Variants in USP45 observed in about 807,000 individuals in gnomAD.
USP45 encodes the protein ubiquitin carboxyl-terminal hydrolase 45.
Under a neutral mutation model 95.8 loss-of-function variants are expected in USP45, and 89 were observed. The ratio of observed to expected loss-of-function variants is 0.93; its 90% CI spans 0.78 to 1.11. USP45 has a LOEUF of 1.11. USP45 is among the 50% of genes least tolerant of loss of function. USP45 has a pLI of 0.00. For synonymous variants in USP45, 281 were observed against 316.2 expected (o/e 0.89, Z 1.18); for missense variants, 898 against 942.5 (o/e 0.95, Z 0.62).
chr6:99,514,986 A>C (rs1320402635), intron 1 of USP45: 1 of 152,206 alleles, frequency 6.6e-6, no homozygotes, highest in African/African-American at 2.4e-5. Flanking sequence ...CCGGCCCCGG[A>C]GCTCCTAATA....
intron 13 of USP45, among the ~76,000 whole-genome samples, chr6:99,454,987 G>A (rs1465574997): frequency 6.6e-6 from 1 of 151,678 alleles, no homozygotes; most frequent in Non-Finnish European, 1.5e-5. Flanking sequence ...CTACTCGGGA[G>A]GCTGAGGCAG....
chr6:99,455,958 C>T (rs1239597515), intron 13 of USP45, among the ~76,000 whole-genome samples: 2 of 149,816 alleles, frequency 1.3e-5, no homozygotes, highest in Non-Finnish European at 3.0e-5. Context: ...CAAGGTGAAA[C>T]CCTGTCTCTA....
chr6:99,513,364 T>G (rs1375668848), intron 1 of USP45, among the ~76,000 whole-genome samples: 1 of 152,156 alleles, frequency 6.6e-6, no homozygotes, highest in Admixed American at 6.5e-5. Flanking sequence ...AACTCCCAAC[T>G]AACTTACCAA....
intron 8 of USP45, among the ~76,000 whole-genome samples, chr6:99,478,314 C>T (rs1791430118): frequency 1.3e-5 from 2 of 148,336 alleles, no homozygotes; most frequent in African/African-American, 5.0e-5. Context: ...ATCTGAGCTA[C>T]CCATATCAAG....
At chr6:99,467,596 T>G (rs1562356861) in intron 10 of USP45, among the ~76,000 whole-genome samples, 1 of 152,030 alleles carries the variant, frequency 6.6e-6, no homozygotes, top group African/African-American at 2.4e-5. Context: ...TATTTAGAAA[T>G]ACTATAATAA....
intron 13 of USP45, among the ~76,000 whole-genome samples, chr6:99,455,089 C>CAAAAAAAAAAAAAAA (rs56978977): frequency 7.9e-6 from 1 of 126,698 alleles, no homozygotes; most frequent in Non-Finnish European, 1.6e-5. Context: ...CACTCCATCT[C>CAAAAAAAAAAAAAAA]AAAAAAAAAA....
intron 9 of USP45, among the ~76,000 whole-genome samples, chr6:99,469,980 A>C (rs569085215): frequency 8.5e-4 from 129 of 152,286 alleles, no homozygotes; most frequent in African/African-American, 3.1e-3. Flanking sequence ...CTTTTGAATA[A>C]GGAAAAAAAG....
intron 15 of USP45, 123 bp downstream of exon 15, chr6:99,443,442 C>A: frequency 1.8e-6 from 1 of 568,518 alleles, no homozygotes; most frequent in Admixed American, 3.4e-5. Context: ...CAGTAAATCT[C>A]ACATGACACA....
In USP45 at chr6:99,468,637, A is replaced by G; in HGVS notation, c.934-19T>C. On this transcript the variant is annotated intron_variant, in intron 9 of 17. Transcript: ENST00000500704. ...GTATTCGCTGTAAAACAAAGTTAAT[A>G]GATTCTGGTCTAATAATAGTTAACT... is the stretch of plus-strand genomic sequence containing the variant. 1.3e-6 allele frequency: 2 copies of G among 1,545,116 alleles called. No homozygotes were observed. The highest frequency in any genetic ancestry group is 8.9e-7 in the Non-Finnish European group (1 of 1,124,196).
chr6:99,459,312 A>G lies in USP45; in HGVS notation c.1308+5292T>C, dbSNP rs189263969. Among the ~76,000 whole-genome samples the G allele has an allele frequency of 2.4e-4, 37 of 152,264 alleles. No homozygotes were observed. In the East Asian group the frequency reaches 6.6e-3, roughly 27 times the overall value. On this transcript the variant is annotated intron_variant, in intron 13 of 17. Transcript: ENST00000500704. ...CCATCCACGTTCCTGTAAAAGGCAC[A>G]ATCTTATTCTTTTTTATGGCTGCAT...
At chr6:99,483,769 T>C (rs9321562) in intron 7 of USP45, among the ~76,000 whole-genome samples, 106,612 of 126,896 alleles carry the variant, frequency 0.84, 45,390 homozygotes, top group East Asian at 1. Context: ...ACCCGGGAAG[T>C]GGAGCTTGCA....
chr6:99,441,246 A>G (rs1781461372), intron 15 of USP45, among the ~76,000 whole-genome samples: 1 of 152,080 alleles, frequency 6.6e-6, no homozygotes, highest in Admixed American at 6.6e-5. Context: ...TTAAAACATT[A>G]CTCGGCCGGG....
intron 1 of USP45, among the ~76,000 whole-genome samples, chr6:99,514,601 G>C (rs1800703914): frequency 2.0e-5 from 3 of 152,120 alleles, no homozygotes; most frequent in African/African-American, 7.2e-5. Flanking sequence ...TCTAAAGTAG[G>C]ATGTGCAACT....
At chr6:99,453,169 A>C (rs1262409542) in intron 13 of USP45, among the ~76,000 whole-genome samples, 1 of 76,570 alleles carries the variant, frequency 1.3e-5, no homozygotes. Flanking sequence ...TAGAACTTAA[A>C]AAAGAAAAAA....
chr6:99,468,467 T>C, intron 10 of USP45, 70 bp downstream of exon 10: 1 of 1,080,480 alleles, frequency 9.3e-7, no homozygotes, highest in Non-Finnish European at 1.4e-6. Context: ...AATGTTCAGT[T>C]CTTTTTCCAA....
chr6:99,504,523 A>G (rs1798090168), intron 4 of USP45, among the ~76,000 whole-genome samples: 1 of 152,190 alleles, frequency 6.6e-6, no homozygotes. Flanking sequence ...AGAGAAACAG[A>G]TTAGTATAGT....
chr6:99,510,666 G>A lies in USP45; in HGVS notation c.-10-436C>T, dbSNP rs79563087. Among the ~76,000 whole-genome samples, 8 of 152,086 alleles carry A rather than the reference G, an allele frequency of 5.3e-5. No homozygotes were observed. The East Asian group carries it at 1.5e-3, about 29-fold the overall frequency. On this transcript the variant is annotated intron_variant, in intron 1 of 17. Coordinates refer to ENST00000500704, the MANE Select transcript of USP45 (RefSeq NM_001346022.3). Reference sequence around the variant, plus strand: ...TGGCCATCTATAAACCAGGAAGAAGGCCCTCACCAGATACTAGATTTGCCA... The same window carrying A: ...TGGCCATCTATAAACCAGGAAGAAGACCCTCACCAGATACTAGATTTGCCA...
chr6:99,449,066 A>G (rs1439611004), intron 13 of USP45, among the ~76,000 whole-genome samples: 10 of 152,216 alleles, frequency 6.6e-5, no homozygotes, highest in Admixed American at 6.5e-4. Flanking sequence ...CACAGCAAAA[A>G]CATGCCAAAC....
chr6:99,517,610 T>TTTG (rs1277232954), upstream of USP45, among the ~76,000 whole-genome samples: 1 of 150,812 alleles, frequency 6.6e-6, no homozygotes, highest in Admixed American at 6.6e-5. Context: ...AATTTTTTTT[T>TTTG]TTTTTTTGTA....
Sources: gnomAD v4.1 joint callset for allele counts (sites outside exome capture counted in the v4.1 genomes callset) on GRCh38, gnomAD v4.1.1 for gene constraint, MANE v1.5 for transcripts, NCBI Gene and HGNC (gene_info 2026-07-23, HGNC 2026-07-21) for gene names.